IGSF11: variants seen among roughly 807,000 people sequenced by gnomAD.
IGSF11 encodes immunoglobulin superfamily member 11, also known as CXADR like 1.
Under a neutral mutation model 41.0 loss-of-function variants are expected in IGSF11, and 22 were observed. The ratio of observed to expected loss-of-function variants is 0.54; its 90% confidence interval spans 0.38 to 0.77. The LOEUF (loss-of-function observed/expected upper bound fraction) is 0.77. IGSF11 is among the 30% of genes least tolerant of loss of function. The pLI, the probability that IGSF11 is intolerant of heterozygous loss-of-function variation, is 0.00. For synonymous variants in IGSF11, 219 were observed against 201.3 expected (o/e 1.09, Z -0.74); for missense variants, 444 against 530.8 (o/e 0.84, Z 1.61).
chr3:118,972,288 A>C (rs533890422), intron 1 of IGSF11, among the ~76,000 whole-genome samples: 1 of 152,324 alleles, frequency 6.6e-6, no homozygotes, highest in East Asian at 1.9e-4. Context: ...CTGTAACCTA[A>C]AAAGCAAATG....
At chr3:118,938,128 G>A (rs1943418802) in intron 1 of IGSF11, among the ~76,000 whole-genome samples, 1 of 151,814 alleles carries the variant, frequency 6.6e-6, no homozygotes, top group Admixed American at 6.6e-5. Flanking sequence ...ACATGTCATG[G>A]CATATATATT....
At chr3:118,938,929 T>C (rs1943477317) in intron 1 of IGSF11, among the ~76,000 whole-genome samples, 1 of 152,062 alleles carries the variant, frequency 6.6e-6, no homozygotes, top group Non-Finnish European at 1.5e-5. Flanking sequence ...AGCTTCAAAG[T>C]ACAAGAAGGA....
At chr3:119,018,261 T>C (rs373164029) in intron 1 of IGSF11, among the ~76,000 whole-genome samples, 3 of 152,300 alleles carry the variant, frequency 2.0e-5, no homozygotes, top group African/African-American at 7.2e-5. Context: ...CTCTTGAGGA[T>C]AAAAAACTCA....
intron 1 of IGSF11, among the ~76,000 whole-genome samples, chr3:119,040,265 A>C (rs182887823): frequency 6.6e-6 from 1 of 152,280 alleles, no homozygotes; most frequent in East Asian, 1.9e-4. Context: ...CAGTGCAAGA[A>C]GACAGCTTTG....
At chr3:119,110,959 C>T (rs912840665) in intron 1 of IGSF11, among the ~76,000 whole-genome samples, 17 of 146,762 alleles carry the variant, frequency 1.2e-4, no homozygotes, top group South Asian at 6.8e-4. Flanking sequence ...CCGAGAGATC[C>T]GCTATTAGTC....
intron 1 of IGSF11, among the ~76,000 whole-genome samples, chr3:119,005,953 C>T (rs1418042415): frequency 3.6e-5 from 5 of 137,606 alleles, no homozygotes; most frequent in African/African-American, 1.2e-4. Flanking sequence ...TGGAGTTGTT[C>T]TTCTCGAGGA....
At chr3:119,000,623 T>A (rs1365951397) in intron 1 of IGSF11, among the ~76,000 whole-genome samples, 1 of 152,112 alleles carries the variant, frequency 6.6e-6, no homozygotes, top group Non-Finnish European at 1.5e-5. Context: ...TTCTCTTTCA[T>A]CATTATTAAT....
intron 1 of IGSF11, among the ~76,000 whole-genome samples, chr3:119,003,257 T>C (rs1188193306): frequency 1.4e-4 from 20 of 141,616 alleles, no homozygotes; most frequent in African/African-American, 5.1e-4. Context: ...AGTTCACTCA[T>C]GATTTGGCTC....
At chr3:119,028,863 A>G (rs1401995318) in intron 1 of IGSF11, among the ~76,000 whole-genome samples, 2 of 152,120 alleles carry the variant, frequency 1.3e-5, no homozygotes, top group Non-Finnish European at 2.9e-5. Context: ...TTAAAGCTAG[A>G]GAAATCTGAA....
At chr3:119,078,863 T>A (rs1315853492) in intron 1 of IGSF11, among the ~76,000 whole-genome samples, 1 of 151,640 alleles carries the variant, frequency 6.6e-6, no homozygotes, top group Non-Finnish European at 1.5e-5. Context: ...TTTAAACAAA[T>A]CAACAAGCAA....
intron 1 of IGSF11, among the ~76,000 whole-genome samples, chr3:119,119,567 C>T (rs1266071719): frequency 6.6e-6 from 1 of 152,152 alleles, no homozygotes; most frequent in African/African-American, 2.4e-5. Flanking sequence ...GGGTCTATTC[C>T]CATGACTCCT....
chr3:119,114,823 A>C (rs115788234), intron 1 of IGSF11, among the ~76,000 whole-genome samples: 3,171 of 152,318 alleles, frequency 0.021, 136 homozygotes, highest in African/African-American at 0.073. Context: ...GCTATCAAGA[A>C]GTACCTAACA....
chr3:119,032,837 G>A (rs935048691), intron 1 of IGSF11, among the ~76,000 whole-genome samples: 5 of 152,202 alleles, frequency 3.3e-5, no homozygotes, highest in African/African-American at 1.2e-4. Flanking sequence ...CTTACGGGCT[G>A]CAGACACTCA....
At position 118,926,126 on chromosome 3, in the gene IGSF11, G is replaced by C; in HGVS notation, c.555C>G (p.Leu185=). 6.2e-7 allele frequency: 1 copy of C among 1,610,416 alleles called. No homozygotes were observed. The highest frequency in any genetic ancestry group is 8.5e-7 in the Non-Finnish European group (1 of 1,177,676). Residue 185 remains leucine, a synonymous_variant, in exon 4 of 7, where the codon CTC becomes CTG. Transcript: ENST00000393775. ...TYLWEKLDNT[L]KLPPTATQDQ... ...CCTGAGTAGCTGTTGGAGGTAGTTT[G>C]AGGGTATTGTCTAACTTCTCCCAAA...
chr3:118,964,348 A>C (rs1048376216), intron 1 of IGSF11, among the ~76,000 whole-genome samples: 1 of 152,164 alleles, frequency 6.6e-6, no homozygotes, highest in Non-Finnish European at 1.5e-5. Flanking sequence ...CAACATGCAG[A>C]CAATGAGTGC....
At chr3:119,062,264 T>C (rs1413772568) in intron 1 of IGSF11, among the ~76,000 whole-genome samples, 1 of 152,186 alleles carries the variant, frequency 6.6e-6, no homozygotes, top group African/African-American at 2.4e-5. Flanking sequence ...CATTGTATTT[T>C]GCAGCCATAA....
At chr3:118,965,004 G>A (rs1384183800) in intron 1 of IGSF11, among the ~76,000 whole-genome samples, 8 of 151,944 alleles carry the variant, frequency 5.3e-5, no homozygotes, top group East Asian at 1.9e-4. Flanking sequence ...CCTCTTTGCC[G>A]AGAGGTTATG....
In IGSF11 at chr3:118,992,340, T is replaced by C. The variant is rs923715349; in HGVS notation, c.52+42191A>G. The stretch of plus-strand genomic sequence containing the variant: ...ACTGATAAATTTTATCCAACTACTC[T>C]CCCTTTGTAAATTTCTTATTACATA... On this transcript the variant is annotated intron_variant, in intron 1 of 6. Transcript: ENST00000393775. Among the ~76,000 whole-genome samples, 5 of 152,332 alleles carry C rather than the reference T, an allele frequency of 3.3e-5. 1 individual carries two copies. The highest frequency in any genetic ancestry group is 1.9e-4 in the East Asian group (1 of 5,186).
chr3:119,069,574 T>C (rs1433135336), intron 1 of IGSF11, among the ~76,000 whole-genome samples: 1 of 152,216 alleles, frequency 6.6e-6, no homozygotes, highest in African/African-American at 2.4e-5. Context: ...CACGATATCC[T>C]GCAAGTAGCA....
Sources: gnomAD v4.1 joint callset for allele counts (sites outside exome capture counted in the v4.1 genomes callset) on GRCh38, gnomAD v4.1.1 for gene constraint, MANE v1.5 for transcripts, NCBI Gene and HGNC (gene_info 2026-07-23, HGNC 2026-07-21) for gene names.